Variants in SCFD2 observed in about 807,000 individuals in gnomAD.
SCFD2 encodes sec1 family domain containing 2.
In SCFD2, 54 loss-of-function variants were observed where a neutral mutation model predicts 58.9. The observed-to-expected ratio is 0.92, with a 90% CI of 0.74 to 1.15. The LOEUF (loss-of-function observed/expected upper bound fraction) is 1.15. Among genes scored for constraint, SCFD2 ranks in the 50% most tolerant of loss-of-function variants. SCFD2 has a pLI of 0.00. For missense variants in SCFD2, 805 were observed against 836.6 expected (o/e 0.96, Z 0.47); for synonymous variants, 321 against 335.9 (o/e 0.96, Z 0.49).
At position 53,142,491 on chromosome 4, in the gene SCFD2, C is replaced by A. The variant is rs1439517981; in HGVS notation, c.1561+2842G>T. ...ACTGTACATCGGAATAACATGAGTG[C>A]AAACCTTACGCCAACTTTCCAACAG... On this transcript the variant is annotated intron_variant, in intron 5 of 8. Coordinates refer to ENST00000401642, the MANE Select transcript of SCFD2 (RefSeq NM_152540.4). Among the ~76,000 whole-genome samples, 6 of 152,158 alleles carry A rather than the reference C, an allele frequency of 3.9e-5. No individual in the cohort carries two copies. The East Asian group carries it at 1.2e-3, about 29-fold the overall frequency.
At chr4:53,332,276 C>T (rs1273713742) in intron 2 of SCFD2, among the ~76,000 whole-genome samples, 6 of 151,370 alleles carry the variant, frequency 4.0e-5, no homozygotes, top group South Asian at 2.1e-4. Context: ...ATACCAAAGC[C>T]GGGCAGAGAC....
intron 5 of SCFD2, among the ~76,000 whole-genome samples, chr4:52,977,345 T>C (rs891930938): frequency 2.6e-5 from 4 of 152,178 alleles, no homozygotes; most frequent in African/African-American, 9.7e-5. Flanking sequence ...GCTAAGAGCT[T>C]AGGACATCCT....
intron 4 of SCFD2, among the ~76,000 whole-genome samples, chr4:53,185,593 T>C (rs1727712899): frequency 6.6e-6 from 1 of 152,026 alleles, no homozygotes; most frequent in Non-Finnish European, 1.5e-5. Flanking sequence ...AAGTATCAAA[T>C]ATAATTTTTT....
intron 5 of SCFD2, among the ~76,000 whole-genome samples, chr4:53,125,465 G>A (rs532712660): frequency 1.6e-4 from 24 of 151,998 alleles, no homozygotes; most frequent in Admixed American, 8.5e-4. Context: ...AAATTTTCCC[G>A]TTTATCACAG....
chr4:52,892,671 CTCT>C (rs1304180197), intron 7 of SCFD2, among the ~76,000 whole-genome samples: 1 of 152,194 alleles, frequency 6.6e-6, no homozygotes, highest in Non-Finnish European at 1.5e-5. Flanking sequence ...TGAGCTACTC[CTCT>C]GTGTCCTCAC....
intron 5 of SCFD2, among the ~76,000 whole-genome samples, chr4:52,989,297 T>G (rs1721567169): frequency 6.6e-6 from 1 of 152,214 alleles, no homozygotes; most frequent in Non-Finnish European, 1.5e-5. Flanking sequence ...TGCCCATCAA[T>G]TTCTCCTAAA....
chr4:53,290,379 G>A (rs1366612293), intron 3 of SCFD2, among the ~76,000 whole-genome samples: 2 of 151,868 alleles, frequency 1.3e-5, no homozygotes, highest in Non-Finnish European at 2.9e-5. Flanking sequence ...AACAAACATG[G>A]GTCAAGAAAG....
At chr4:52,995,037 G>A (rs952216851) in intron 5 of SCFD2, among the ~76,000 whole-genome samples, 2 of 152,134 alleles carry the variant, frequency 1.3e-5, no homozygotes, top group African/African-American at 2.4e-5. Context: ...CAGGGGGGTG[G>A]CATGGGGATG....
chr4:53,248,614 C>A (rs1316684468), intron 4 of SCFD2, among the ~76,000 whole-genome samples: 1 of 152,198 alleles, frequency 6.6e-6, no homozygotes, highest in African/African-American at 2.4e-5. Flanking sequence ...GGTCCCTGAC[C>A]CCTGACCCCC....
intron 4 of SCFD2, among the ~76,000 whole-genome samples, chr4:53,247,867 C>CAAAAAA (rs35585900): frequency 3.7e-5 from 2 of 54,508 alleles, no homozygotes; most frequent in African/African-American, 6.2e-5. Flanking sequence ...GACTCCGTCT[C>CAAAAAA]AAAAAAAAAA....
chr4:52,895,323 A>C (rs1278817453), intron 7 of SCFD2, among the ~76,000 whole-genome samples: 1 of 150,846 alleles, frequency 6.6e-6, no homozygotes, highest in East Asian at 1.9e-4. Flanking sequence ...CCTCTCCCCT[A>C]CCCCTACCCC....
chr4:53,117,022 G>A (rs1725343996), intron 5 of SCFD2, among the ~76,000 whole-genome samples: 1 of 152,176 alleles, frequency 6.6e-6, no homozygotes, highest in African/African-American at 2.4e-5. Flanking sequence ...CAAAACTTCT[G>A]CATCTTATCT....
chr4:53,290,203 G>C (rs951750989), intron 3 of SCFD2, among the ~76,000 whole-genome samples: 3 of 152,028 alleles, frequency 2.0e-5, no homozygotes, highest in Non-Finnish European at 4.4e-5. Context: ...CATTCTCCAA[G>C]ATACACTATA....
chr4:53,228,049 T>C (rs1729281748), intron 4 of SCFD2, among the ~76,000 whole-genome samples: 1 of 152,176 alleles, frequency 6.6e-6, no homozygotes, highest in South Asian at 2.1e-4. Context: ...AGGTAAATAC[T>C]TAACTTCTCT....
At chr4:53,164,523 G>C (rs1301290341) in intron 4 of SCFD2, among the ~76,000 whole-genome samples, 1 of 152,210 alleles carries the variant, frequency 6.6e-6, no homozygotes, top group East Asian at 1.9e-4. Flanking sequence ...GCAGAATGTG[G>C]TGTCTCATGC....
At chr4:53,144,956 A>G (rs1230534670) in intron 5 of SCFD2, among the ~76,000 whole-genome samples, 1 of 152,204 alleles carries the variant, frequency 6.6e-6, no homozygotes, top group African/African-American at 2.4e-5. Context: ...AGCAAGCATT[A>G]CTGCCTGAGC....
intron 3 of SCFD2, among the ~76,000 whole-genome samples, chr4:53,302,939 C>A (rs555901251): frequency 6.6e-6 from 1 of 152,252 alleles, no homozygotes; most frequent in African/African-American, 2.4e-5. Flanking sequence ...ACACCTTACA[C>A]AAAAATTAAT....
chr4:53,219,418 T>G (rs1036036244), intron 4 of SCFD2, among the ~76,000 whole-genome samples: 2 of 152,238 alleles, frequency 1.3e-5, no homozygotes, highest in Admixed American at 6.5e-5. Context: ...GCTCCATGGG[T>G]GTGGGACCCT....
rs200337543 is a variant in SCFD2, at chr4:53,145,318, T to C, written c.1561+15A>G. On this transcript the variant is annotated intron_variant, in intron 5 of 8. Transcript: ENST00000401642. ...TCAGTGATGTTTGTGTCCTGTATCT[T>C]TGTTAGACACTCACCCGTAATTTTT... is the stretch of plus-strand genomic sequence containing the variant. 1.2e-6 allele frequency: 2 copies of C among 1,613,578 alleles called. No individual in the cohort carries two copies. Among genetic ancestry groups the C allele is most frequent in the East Asian group, 4.5e-5 (2 of 44,888 alleles).
Sources: gnomAD v4.1 joint callset for allele counts (sites outside exome capture counted in the v4.1 genomes callset) on GRCh38, gnomAD v4.1.1 for gene constraint, MANE v1.5 for transcripts, NCBI Gene and HGNC (gene_info 2026-07-23, HGNC 2026-07-21) for gene names.